SMOC1: variants seen among roughly 807,000 people sequenced by gnomAD.
SMOC1 encodes SPARC related modular calcium binding 1, also known as SPARC-related modular calcium-binding protein 1.
Under a neutral mutation model 56.3 loss-of-function variants are expected in SMOC1, and 22 were observed. The observed-to-expected ratio is 0.39, with a 90% CI of 0.28 to 0.56. The LOEUF is 0.56. SMOC1 is among the 20% of genes least tolerant of loss of function. The pLI, the probability that SMOC1 is intolerant of heterozygous loss-of-function variation, is 0.61. For synonymous variants in SMOC1, 193 were observed against 215.0 expected (o/e 0.90, Z 0.89); for missense variants, 509 against 565.4 (o/e 0.90, Z 1.01).
chr14:69,990,614 G>A (rs1368366469), intron 5 of SMOC1, among the ~76,000 whole-genome samples: 2 of 152,092 alleles, frequency 1.3e-5, no homozygotes, highest in Admixed American at 1.3e-4. Context: ...ATAGAGTCAG[G>A]GGAAGTGATG....
At chr14:70,015,970 T>C (rs979439026) in intron 10 of SMOC1, among the ~76,000 whole-genome samples, 4 of 152,174 alleles carry the variant, frequency 2.6e-5, no homozygotes, top group Non-Finnish European at 5.9e-5. Flanking sequence ...GCTTAAAAGT[T>C]TCTGGTCTGG....
At chr14:69,991,394 A>C (rs1416344596) in intron 5 of SMOC1, among the ~76,000 whole-genome samples, 3 of 152,164 alleles carry the variant, frequency 2.0e-5, no homozygotes, top group African/African-American at 7.2e-5. Context: ...AAGCACAAAT[A>C]TATATACTGT....
chr14:69,899,441 C>T (rs183337553), intron 1 of SMOC1, among the ~76,000 whole-genome samples: 1 of 152,272 alleles, frequency 6.6e-6, no homozygotes, highest in East Asian at 1.9e-4. Context: ...CCCTCTGGCT[C>T]TCTTCCTTCT....
intron 1 of SMOC1, among the ~76,000 whole-genome samples, chr14:69,900,271 G>T (rs1478309628): frequency 6.6e-6 from 1 of 152,216 alleles, no homozygotes; most frequent in African/African-American, 2.4e-5. Flanking sequence ...AGGGTAGGGA[G>T]TGTGTGTGCC....
At chr14:70,028,251 C>T (rs1886003393) in intron 11 of SMOC1, among the ~76,000 whole-genome samples, 2 of 152,134 alleles carry the variant, frequency 1.3e-5, no homozygotes, top group South Asian at 4.1e-4. Context: ...GTGAGGCAGG[C>T]GGGGTGGGGT....
chr14:69,947,073 C>T (rs763586343), intron 1 of SMOC1, among the ~76,000 whole-genome samples: 12 of 151,026 alleles, frequency 7.9e-5, no homozygotes, highest in Admixed American at 6.6e-5. Context: ...TATAAATTAC[C>T]CAGTCTCAGG....
intron 4 of SMOC1, 38 bp downstream of exon 4, chr14:69,975,852 G>C: frequency 6.7e-7 from 1 of 1,486,102 alleles, no homozygotes; most frequent in African/African-American, 1.4e-5. Context: ...AAAAGGGTTG[G>C]AGAGAGACCC....
In SMOC1 at chr14:69,928,905, T is replaced by C. The variant is rs538908821; in HGVS notation, c.100-23233T>C. Among the ~76,000 whole-genome samples, 9 of 152,326 alleles carry C rather than the reference T, an allele frequency of 5.9e-5. 1 individual carries two copies. Among genetic ancestry groups the C allele is most frequent in the Admixed American group, 5.2e-4 (8 of 15,300 alleles). ...TAACAGTTGGGGTCAAGCCCCCAAC[T>C]CTTAGGTGGTGTTGATGCTGGGATA... On this transcript the variant is annotated intron_variant, in intron 1 of 11. Coordinates refer to ENST00000361956, the MANE Select transcript of SMOC1 (RefSeq NM_001034852.3).
intron 1 of SMOC1, among the ~76,000 whole-genome samples, chr14:69,920,378 G>A (rs1191235842): frequency 6.6e-6 from 1 of 152,186 alleles, no homozygotes; most frequent in Non-Finnish European, 1.5e-5. Context: ...CAGATGAGAT[G>A]TGGGGCTCTT....
chr14:69,980,069 G>GT (rs1436173193), intron 5 of SMOC1, among the ~76,000 whole-genome samples: 2 of 152,178 alleles, frequency 1.3e-5, no homozygotes, highest in Non-Finnish European at 2.9e-5. Context: ...GGAAGTGGGG[G>GT]GGTGAGGGTG....
chr14:69,896,295 G>T (rs1011955870), intron 1 of SMOC1, among the ~76,000 whole-genome samples: 1 of 152,186 alleles, frequency 6.6e-6, no homozygotes. Flanking sequence ...TAGCATAGTG[G>T]CTTGGGGTCA....
intron 3 of SMOC1, among the ~76,000 whole-genome samples, chr14:69,963,703 C>T (rs1398233584): frequency 1.3e-5 from 2 of 152,128 alleles, no homozygotes; most frequent in Non-Finnish European, 1.5e-5. Flanking sequence ...CTTTTGCCTT[C>T]CTGTGGGAGG....
At chr14:69,987,375 C>G (rs188940841) in intron 5 of SMOC1, among the ~76,000 whole-genome samples, 22 of 152,250 alleles carry the variant, frequency 1.4e-4, no homozygotes, top group Admixed American at 1.4e-3. Flanking sequence ...TCCTCATTCT[C>G]CAAGGCTTCT....
rs2139636068 is a variant in SMOC1 at position 70,031,899 on chromosome 14, G to C, written c.*1641G>C. 6.6e-6 allele frequency: 1 copy of C among 152,594 alleles called. No individual in the cohort carries two copies. Among genetic ancestry groups the C allele is most frequent in the East Asian group, 1.9e-4 (1 of 5,188 alleles). 9.5% of individuals were successfully genotyped at this position (152,594 alleles called of 1,614,324 possible). A position where few individuals can be genotyped will look rare whatever the true frequency, so the allele number is the denominator to read the frequency against. ...GTATTCCAACCCGACATCCCTAAAAGTACCTCCACCCGTTCCGGGTCTGGA... is the reference window on the plus strand; with the variant it reads ...GTATTCCAACCCGACATCCCTAAAACTACCTCCACCCGTTCCGGGTCTGGA... On this transcript the variant is annotated 3_prime_UTR_variant, in exon 12 of 12. Coordinates refer to ENST00000361956, the MANE Select transcript of SMOC1 (RefSeq NM_001034852.3).
In SMOC1 at chr14:69,888,007, C is replaced by T. The variant is rs1030877743; in HGVS notation, c.99+8230C>T. ...TTAGCAGGTACAGGGCACCCTTTCTCTCTGGGCCACATAGAGATTTATTGT... is the reference window on the plus strand; with the variant it reads ...TTAGCAGGTACAGGGCACCCTTTCTTTCTGGGCCACATAGAGATTTATTGT... On this transcript the variant is annotated intron_variant, in intron 1 of 11. Transcript: ENST00000361956. 3.9e-5 allele frequency among the ~76,000 whole-genome samples: 6 copies of T among 152,182 alleles called. 1 individual carries two copies. Among genetic ancestry groups the T allele is most frequent in the African/African-American group, 1.4e-4 (6 of 41,428 alleles).
At chr14:69,968,173 T>C (rs1883639239) in intron 3 of SMOC1, among the ~76,000 whole-genome samples, 1 of 152,216 alleles carries the variant, frequency 6.6e-6, no homozygotes, top group Admixed American at 6.5e-5. Flanking sequence ...GAGTATTTCA[T>C]GATAAATGCC....
At chr14:70,030,128 G>T in intron 11 of SMOC1, 114 bp from the exon 12 acceptor site, 1 of 1,516,666 alleles carries the variant, frequency 6.6e-7, no homozygotes, top group African/African-American at 1.4e-5. Context: ...GGCTGCACTT[G>T]TGGGGAAATT....
At chr14:69,933,308 T>C (rs1177469485) in intron 1 of SMOC1, among the ~76,000 whole-genome samples, 1 of 152,296 alleles carries the variant, frequency 6.6e-6, no homozygotes, top group South Asian at 2.1e-4. Context: ...CGTTCTCCCA[T>C]TTAAAATGTT....
chr14:69,900,118 C>G (rs191337523), intron 1 of SMOC1, among the ~76,000 whole-genome samples: 26 of 152,320 alleles, frequency 1.7e-4, no homozygotes, highest in Non-Finnish European at 3.2e-4. Context: ...TTTCACAGTT[C>G]CTGCTCATGT....
Sources: allele counts gnomAD v4.1 joint callset (sites outside exome capture counted in the v4.1 genomes callset), GRCh38; gene constraint gnomAD v4.1.1; transcripts MANE v1.5; gene names NCBI Gene and HGNC (gene_info 2026-07-23, HGNC 2026-07-21).